The following WWOX variants were observed in gnomAD, a reference collection of about 807,000 sequenced individuals.
WWOX encodes the protein WW domain-containing oxidoreductase.
A neutral mutation model predicts 46.2 loss-of-function variants in WWOX; 69 were observed. That is an observed-to-expected ratio of 1.49 (90% CI 1.23 to 1.82). The LOEUF is 1.82. Among genes scored for constraint, WWOX ranks in the 40% most tolerant of loss-of-function variants. WWOX has a pLI of 0.00. For synonymous variants in WWOX, 359 were observed against 202.6 expected, an observed-to-expected ratio of 1.77 and a Z score of -6.56; for missense variants, 919 against 542.6, an observed-to-expected ratio of 1.69 and a Z score of -6.89.
At chr16:78,233,368 A>G (rs2037331251) in intron 5 of WWOX, among the ~76,000 whole-genome samples, 1 of 152,110 alleles carries the variant, frequency 6.6e-6, no homozygotes, top group Non-Finnish European at 1.5e-5. Context: ...TTTTAAATAT[A>G]TAATTTATTA....
intron 5 of WWOX, among the ~76,000 whole-genome samples, chr16:78,309,613 C>T (rs1015509765): frequency 1.3e-5 from 2 of 152,160 alleles, no homozygotes; most frequent in African/African-American, 2.4e-5. Context: ...CTTGGGCACA[C>T]GTTCCCAGGA....
Position 79,041,666 on chromosome 16 carries a change from G to C in WWOX, c.1057-169942G>C, listed in dbSNP as rs534489663. Among the ~76,000 whole-genome samples the C allele has an allele frequency of 4.6e-5, 7 of 152,234 alleles. No homozygotes were observed. In the South Asian group the frequency reaches 1.5e-3, roughly 32 times the overall value. Reference sequence around the variant, plus strand: ...ACCAAGAGCCATCCCACCTCAGAAAGACAGAAGCCATCACTGCAAATGGCA... The same window carrying C: ...ACCAAGAGCCATCCCACCTCAGAAACACAGAAGCCATCACTGCAAATGGCA... On this transcript the variant is annotated intron_variant, in intron 8 of 8. Coordinates refer to ENST00000566780, the MANE Select transcript of WWOX (RefSeq NM_016373.4).
At chr16:78,398,372 C>G (rs1362777850) in intron 6 of WWOX, among the ~76,000 whole-genome samples, 2 of 152,162 alleles carry the variant, frequency 1.3e-5, no homozygotes, top group East Asian at 3.9e-4. Context: ...TGGCTCCTCT[C>G]CCACTTGTCC....
intron 5 of WWOX, among the ~76,000 whole-genome samples, chr16:78,280,334 A>C (rs532290821): frequency 6.6e-6 from 1 of 152,330 alleles, no homozygotes; most frequent in South Asian, 2.1e-4. Context: ...ATGTTTTAAG[A>C]TTAACATATT....
At chr16:79,085,651 A>G (rs1342431882) in intron 8 of WWOX, among the ~76,000 whole-genome samples, 2 of 152,210 alleles carry the variant, frequency 1.3e-5, no homozygotes, top group Non-Finnish European at 2.9e-5. Context: ...AAATTATATC[A>G]TCTTTATAAT....
intron 8 of WWOX, among the ~76,000 whole-genome samples, chr16:78,478,496 G>A (rs1347633972): frequency 6.6e-6 from 1 of 152,082 alleles, no homozygotes; most frequent in Non-Finnish European, 1.5e-5. Context: ...CACAAAACAG[G>A]GCCAGGTGTA....
intron 8 of WWOX, among the ~76,000 whole-genome samples, chr16:79,163,352 A>G (rs1045637747): frequency 1.3e-5 from 2 of 152,238 alleles, no homozygotes; most frequent in Admixed American, 6.5e-5. Context: ...GAGGAAGCCC[A>G]TTAGTCTCCC....
intron 5 of WWOX, among the ~76,000 whole-genome samples, chr16:78,176,806 A>G (rs1228310287): frequency 2.0e-5 from 3 of 152,224 alleles, no homozygotes; most frequent in African/African-American, 7.2e-5. Context: ...CAATAAGAAG[A>G]TAAAAATAAA....
intron 8 of WWOX, among the ~76,000 whole-genome samples, chr16:78,852,238 T>C (rs1342487395): frequency 1.3e-5 from 2 of 152,124 alleles, no homozygotes; most frequent in Non-Finnish European, 2.9e-5. Flanking sequence ...ACTTCCTGGG[T>C]TTTACATTGC....
chr16:79,195,332 A>G (rs1198546876), intron 8 of WWOX, among the ~76,000 whole-genome samples: 2 of 152,142 alleles, frequency 1.3e-5, no homozygotes, highest in African/African-American at 2.4e-5. Flanking sequence ...CGAATGCTCC[A>G]GTCAATCCCA....
intron 8 of WWOX, among the ~76,000 whole-genome samples, chr16:78,487,475 C>T (rs1237821647): frequency 2.6e-5 from 4 of 152,132 alleles, no homozygotes; most frequent in African/African-American, 4.8e-5. Flanking sequence ...GTTACAACAG[C>T]GGGACCATTT....
intron 8 of WWOX, among the ~76,000 whole-genome samples, chr16:78,683,872 T>G (rs7198497): frequency 0.1 from 15,306 of 152,102 alleles, 1,335 homozygotes; most frequent in African/African-American, 0.23. Context: ...AGGAACAGAG[T>G]TTTACTTGTG....
intron 6 of WWOX, among the ~76,000 whole-genome samples, chr16:78,412,886 C>T (rs1047330539): frequency 1.3e-5 from 2 of 152,108 alleles, no homozygotes; most frequent in Non-Finnish European, 2.9e-5. Flanking sequence ...GTGCAACCTG[C>T]CTAGGTCAAG....
intron 8 of WWOX, among the ~76,000 whole-genome samples, chr16:78,767,520 C>T (rs972993762): frequency 1.3e-5 from 2 of 151,306 alleles, no homozygotes; most frequent in South Asian, 2.1e-4. Context: ...TTGAATAATA[C>T]TCCTATGAAC....
At chr16:78,578,282 A>ATTT (rs1227489730) in intron 8 of WWOX, among the ~76,000 whole-genome samples, 530 of 34,182 alleles carry the variant, frequency 0.016, 11 homozygotes, top group Non-Finnish European at 0.023. Flanking sequence ...ATATATATAT[A>ATTT]TATTTTTTTT....
At chr16:79,121,705 C>A (rs973518699) in intron 8 of WWOX, among the ~76,000 whole-genome samples, 2 of 152,144 alleles carry the variant, frequency 1.3e-5, no homozygotes, top group African/African-American at 4.8e-5. Flanking sequence ...GAAAAGAATC[C>A]GAACTGGTGG....
At chr16:79,135,129 G>A (rs1217543540) in intron 8 of WWOX, among the ~76,000 whole-genome samples, 1 of 152,002 alleles carries the variant, frequency 6.6e-6, no homozygotes, top group African/African-American at 2.4e-5. Context: ...TTCTTCTCAG[G>A]AAATGTTTTC....
intron 4 of WWOX, among the ~76,000 whole-genome samples, chr16:78,154,350 T>C (rs1459246818): frequency 6.6e-6 from 1 of 152,116 alleles, no homozygotes; most frequent in Admixed American, 6.5e-5. Flanking sequence ...TAACTCATAG[T>C]GTTTACTCCC....
At chr16:78,922,806 C>A (rs1372700752) in intron 8 of WWOX, among the ~76,000 whole-genome samples, 1 of 152,178 alleles carries the variant, frequency 6.6e-6, no homozygotes, top group Non-Finnish European at 1.5e-5. Flanking sequence ...ACTAAAGGAA[C>A]TGGAGCTTGG....
Sources: allele counts gnomAD v4.1 joint callset (sites outside exome capture counted in the v4.1 genomes callset), GRCh38; gene constraint gnomAD v4.1.1; transcripts MANE v1.5; gene names NCBI Gene and HGNC (gene_info 2026-07-23, HGNC 2026-07-21).